The following SNTB1 variants were observed in gnomAD, a reference collection of about 807,000 sequenced individuals.
The protein encoded by SNTB1 is syntrophin beta 1, also known as beta-1-syntrophin.
SNTB1 carries 36 observed loss-of-function variants against 48.9 expected under a neutral mutation model. The ratio of observed to expected loss-of-function variants is 0.74; its 90% CI spans 0.56 to 0.97. The LOEUF is 0.97. Among genes scored for constraint, SNTB1 ranks in the 50% least tolerant of loss-of-function variants. The probability of loss-of-function intolerance (pLI) is 0.00; values close to 1 mark genes in which losing one functional copy is unlikely to be tolerated. For missense variants in SNTB1, 786 were observed against 703.4 expected (o/e 1.12, Z -1.33); for synonymous variants, 299 against 294.6 (o/e 1.01, Z -0.15).
At chr8:120,785,647 C>A (rs1168635420) in intron 1 of SNTB1, among the ~76,000 whole-genome samples, 2 of 152,188 alleles carry the variant, frequency 1.3e-5, no homozygotes, top group Non-Finnish European at 2.9e-5. Context: ...GCTCCTCCAC[C>A]CACTCTGGTA....
intron 2 of SNTB1, among the ~76,000 whole-genome samples, chr8:120,653,166 A>G (rs1034913524): frequency 6.6e-6 from 1 of 152,148 alleles, no homozygotes; most frequent in East Asian, 1.9e-4. Flanking sequence ...TCAGGATGTG[A>G]CTTTATTTGG....
intron 1 of SNTB1, among the ~76,000 whole-genome samples, chr8:120,764,062 C>T (rs770437341): frequency 4.6e-5 from 7 of 152,140 alleles, no homozygotes; most frequent in South Asian, 4.1e-4. Flanking sequence ...CCTTTTGACT[C>T]AGAATAAATT....
intron 1 of SNTB1, among the ~76,000 whole-genome samples, chr8:120,790,159 C>T (rs1047917790): frequency 1.3e-5 from 2 of 151,864 alleles, no homozygotes; most frequent in Non-Finnish European, 2.9e-5. Context: ...TCCATAGACA[C>T]AGAAAAAGCA....
At chr8:120,666,688 T>G (rs897480969) in intron 2 of SNTB1, among the ~76,000 whole-genome samples, 6 of 152,208 alleles carry the variant, frequency 3.9e-5, no homozygotes, top group African/African-American at 7.2e-5. Context: ...GATTTTTGAT[T>G]CCTTCTCCCC....
Position 120,559,693 on chromosome 8 carries a change from A to G in SNTB1, c.1137-10735T>C, listed in dbSNP as rs143967825. 7.2e-5 allele frequency among the ~76,000 whole-genome samples: 11 copies of G among 152,384 alleles called. No homozygotes were observed. In the East Asian group the frequency reaches 2.1e-3, roughly 29 times the overall value. On this transcript the variant is annotated intron_variant, in intron 4 of 6. Coordinates refer to ENST00000517992, the MANE Select transcript of SNTB1 (RefSeq NM_021021.4). Reference sequence around the variant, plus strand: ...AAAATCCCCAAAAACCTGTCTTTCAAGAAATGCTTTTGCATTAATTTAATT... The same window carrying G: ...AAAATCCCCAAAAACCTGTCTTTCAGGAAATGCTTTTGCATTAATTTAATT...
intron 1 of SNTB1, among the ~76,000 whole-genome samples, chr8:120,767,214 T>C (rs1819541079): frequency 6.6e-6 from 1 of 152,182 alleles, no homozygotes; most frequent in Non-Finnish European, 1.5e-5. Context: ...TTCTAGTTTG[T>C]TTCCATAGTT....
chr8:120,749,201 G>A lies in SNTB1; in HGVS notation c.572-55293C>T, dbSNP rs115841556. Among the ~76,000 whole-genome samples the A allele has an allele frequency of 1.7e-3, 254 of 152,280 alleles. 1 individual carries two copies. The highest frequency in any genetic ancestry group is 5.9e-3 in the African/African-American group (247 of 41,568). The stretch of plus-strand genomic sequence containing the variant: ...GATTAGTTAGGAGGTCTCGGCTGTA[G>A]CCTATTTCTAGCTAGTTCTTCCAAA... On this transcript the variant is annotated intron_variant, in intron 1 of 6. Transcript: ENST00000517992.
chr8:120,674,313 C>T (rs1379042142), intron 2 of SNTB1, among the ~76,000 whole-genome samples: 3 of 152,182 alleles, frequency 2.0e-5, no homozygotes, highest in African/African-American at 7.2e-5. Context: ...TCCATTCCTT[C>T]AGGGAGTATT....
intron 3 of SNTB1, among the ~76,000 whole-genome samples, chr8:120,579,346 G>C (rs954907492): frequency 9.9e-5 from 15 of 152,110 alleles, no homozygotes; most frequent in African/African-American, 3.6e-4. Flanking sequence ...CTAATCTTTG[G>C]AATATAGTTT....
chr8:120,731,287 T>A (rs1288369180), intron 1 of SNTB1, among the ~76,000 whole-genome samples: 1 of 152,180 alleles, frequency 6.6e-6, no homozygotes, highest in Non-Finnish European at 1.5e-5. Flanking sequence ...AAAGAATTCT[T>A]AGCTCTCTTG....
intron 1 of SNTB1, among the ~76,000 whole-genome samples, chr8:120,711,010 G>T (rs1455049193): frequency 6.6e-6 from 1 of 152,138 alleles, no homozygotes; most frequent in Non-Finnish European, 1.5e-5. Context: ...ACTTGGAGAA[G>T]AATCCAGAAC....
At chr8:120,579,522 A>G (rs573952108) in intron 3 of SNTB1, among the ~76,000 whole-genome samples, 110 of 152,276 alleles carry the variant, frequency 7.2e-4, no homozygotes, top group African/African-American at 2.6e-3. Flanking sequence ...TACTAGAAAT[A>G]CAAAAATTAG....
intron 1 of SNTB1, among the ~76,000 whole-genome samples, chr8:120,787,298 A>G (rs1028870676): frequency 1.3e-5 from 2 of 152,176 alleles, no homozygotes; most frequent in Non-Finnish European, 2.9e-5. Flanking sequence ...AAAACAATTC[A>G]CGCAATATGA....
intron 1 of SNTB1, among the ~76,000 whole-genome samples, chr8:120,729,468 T>C (rs1351318848): frequency 1.3e-5 from 2 of 152,218 alleles, no homozygotes; most frequent in Non-Finnish European, 2.9e-5. Flanking sequence ...TGTACGAATA[T>C]ATATGTGCTT....
At chr8:120,743,772 G>C (rs1819081419) in intron 1 of SNTB1, among the ~76,000 whole-genome samples, 4 of 152,166 alleles carry the variant, frequency 2.6e-5, no homozygotes, top group Admixed American at 2.6e-4. Context: ...TCACACTAAA[G>C]TACGGAGCCC....
At chr8:120,774,491 T>C (rs950707873) in intron 1 of SNTB1, among the ~76,000 whole-genome samples, 1 of 151,822 alleles carries the variant, frequency 6.6e-6, no homozygotes, top group African/African-American at 2.4e-5. Flanking sequence ...GCATACGGAG[T>C]GGAGGGAAGG....
rs188029905 is a variant in SNTB1 at position 120,638,704 on chromosome 8, C to A, written c.789-6053G>T. Among the ~76,000 whole-genome samples, 859 of 152,208 alleles carry A rather than the reference C, an allele frequency of 5.6e-3. 14 individuals carry two copies. Among genetic ancestry groups the A allele is most frequent in the Non-Finnish European group, 4.8e-3 (326 of 68,024 alleles). On this transcript the variant is annotated intron_variant, in intron 2 of 6. Coordinates refer to ENST00000517992, the MANE Select transcript of SNTB1 (RefSeq NM_021021.4). ...AGTTTGCTGAGAATGATGGTTTCCA[C>A]TTCATTCATGTCCCTACAAAGGACA...
chr8:120,616,859 C>T (rs1416993534), intron 3 of SNTB1, among the ~76,000 whole-genome samples: 3 of 152,210 alleles, frequency 2.0e-5, no homozygotes, highest in Non-Finnish European at 2.9e-5. Context: ...ACCATGACAA[C>T]GAGGAGGTGC....
chr8:120,583,103 TA>T, intron 3 of SNTB1, among the ~76,000 whole-genome samples: 1 of 152,238 alleles, frequency 6.6e-6, no homozygotes, highest in East Asian at 1.9e-4. Context: ...ATCCTCTTTA[TA>T]AATAATAATA....
Sources: allele counts gnomAD v4.1 joint callset (sites outside exome capture counted in the v4.1 genomes callset), GRCh38; gene constraint gnomAD v4.1.1; transcripts MANE v1.5; gene names NCBI Gene and HGNC (gene_info 2026-07-23, HGNC 2026-07-21).